Variants in CFAP100 observed in about 807,000 individuals in gnomAD.
CFAP100 encodes the protein cilia- and flagella-associated protein 100.
A neutral mutation model predicts 81.5 loss-of-function variants in CFAP100; 70 were observed. The ratio of observed to expected loss-of-function variants is 0.86; its 90% CI spans 0.71 to 1.05. CFAP100 has a LOEUF of 1.05. CFAP100 is among the 50% of genes least tolerant of loss of function. The pLI is 0.00. For synonymous variants in CFAP100, 341 were observed against 314.8 expected (o/e 1.08, Z -0.88); for missense variants, 811 against 776.5 (o/e 1.04, Z -0.53).
chr3:126,416,474 C>T lies in CFAP100; in HGVS notation c.384C>T (p.Arg128=), dbSNP rs749059919. 5.6e-6 allele frequency: 9 copies of T among 1,604,236 alleles called. No homozygotes were observed. Among genetic ancestry groups the T allele is most frequent in the Admixed American group, 1.7e-5 (1 of 58,912 alleles). The change falls in exon 5 of 17, where the codon CGC becomes CGT. Residue 128 remains arginine (R), a synonymous_variant. Transcript: ENST00000352312. The part of the protein sequence containing the change: ...RAEAEHQRAF[R]DYTTWKLTLT... ...AGGCCGAGCATCAGCGCGCCTTCCG[C>T]GACTACACGACCTGGAAGCTCACCT...
At chr3:126,423,739 C>T in intron 13 of CFAP100, 95 bp downstream of exon 13, 1 of 1,451,402 alleles carries the variant, frequency 6.9e-7, no homozygotes, top group Non-Finnish European at 9.6e-7. Flanking sequence ...CAGCCCACAC[C>T]CGTCCGTGGC....
chr3:126,418,923 C>T lies in CFAP100; in HGVS notation c.650+149C>T, dbSNP rs535132679. ...CCGGTCGGGAGCCAAGGGCAGGGGA[C>T]ACTACGGGCAAAAGGCTTAACTGTG... On this transcript the variant is annotated intron_variant, in intron 7 of 16. Transcript: ENST00000352312. The T allele has an allele frequency of 4.5e-5, 49 of 1,078,700 alleles. No individual in the cohort carries two copies. In the African/African-American group the frequency reaches 5.5e-4, roughly 12 times the overall value. 66.8% of individuals were successfully genotyped at this position (1,078,700 alleles called of 1,614,324 possible).
chr3:126,436,200 G>A, intron 16 of CFAP100, 91 bp from the exon 17 acceptor site: 2 of 935,954 alleles, frequency 2.1e-6, no homozygotes, highest in Non-Finnish European at 3.4e-6. Flanking sequence ...GGTGACTGGA[G>A]CTGCTGGGCC....
intron 13 of CFAP100, among the ~76,000 whole-genome samples, chr3:126,426,579 G>A (rs764631992): frequency 2.6e-5 from 4 of 151,894 alleles, no homozygotes; most frequent in South Asian, 2.1e-4. Context: ...GTAAAACCCC[G>A]TCTCTACTAA....
intron 13 of CFAP100, among the ~76,000 whole-genome samples, chr3:126,425,343 A>C (rs910823529): frequency 1.3e-5 from 2 of 152,228 alleles, no homozygotes; most frequent in Non-Finnish European, 2.9e-5. Flanking sequence ...AAAAATCAAA[A>C]TATAGTCTTA....
rs117774023 is a variant in CFAP100, at chr3:126,435,554, C to A, written c.1629-5C>A. ...CAGTTTTCAATGTCATTTCTTGCCA[C>A]CCAGACTTCGAGAAGAGAAGCTCCA... On this transcript the variant is annotated splice_polypyrimidine_tract_variant and splice_region_variant and intron_variant, in intron 15 of 16. Transcript: ENST00000352312. The A allele has an allele frequency of 0.013, 21,728 of 1,609,688 alleles. 1,013 individuals are homozygous for A. The highest frequency in any genetic ancestry group is 0.12 in the South Asian group (11,103 of 90,666).
Position 126,412,941 on chromosome 3 carries a change from T to A in CFAP100, c.131-1144T>A, listed in dbSNP as rs150327534. 3.9e-5 allele frequency among the ~76,000 whole-genome samples: 6 copies of A among 152,352 alleles called. No homozygotes were observed. In the East Asian group the frequency reaches 1.2e-3, roughly 29 times the overall value. ...AGTCCCCAGTCTGGCCCATGGCAAGTGCTGGATGCTTGCTAGCTATCCATT... is the reference window on the plus strand; with the variant it reads ...AGTCCCCAGTCTGGCCCATGGCAAGAGCTGGATGCTTGCTAGCTATCCATT... On this transcript the variant is annotated intron_variant, in intron 3 of 16. Transcript: ENST00000352312.
At chr3:126,407,284 G>C in intron 3 of CFAP100, 32 bp downstream of exon 3, 2 of 1,530,456 alleles carry the variant, frequency 1.3e-6, no homozygotes, top group Non-Finnish European at 9.0e-7. Flanking sequence ...TAAAGTCCAA[G>C]TTGGCAGGAG....
chr3:126,400,620 C>T (rs540613391), intron 2 of CFAP100, among the ~76,000 whole-genome samples: 9 of 152,184 alleles, frequency 5.9e-5, no homozygotes, highest in East Asian at 3.9e-4. Flanking sequence ...GGCATGGTGG[C>T]GGGCACCTGT....
At chr3:126,420,273 G>C in intron 11 of CFAP100, 44 bp downstream of exon 11, 1 of 1,606,090 alleles carries the variant, frequency 6.2e-7, no homozygotes, top group South Asian at 1.1e-5. Context: ...GCCTAGCGGC[G>C]AGCCCTCCCT....
intron 4 of CFAP100, 22 bp from the exon 5 acceptor site, chr3:126,416,294 C>G: frequency 6.4e-7 from 1 of 1,565,566 alleles, no homozygotes; most frequent in Non-Finnish European, 8.7e-7. Context: ...GGGCCCCGCC[C>G]GACTTGGCCC....
Position 126,435,599 on chromosome 3 carries a change from G to C in CFAP100, c.1669G>C (p.Glu557Gln), listed in dbSNP as rs1490765014. ...GCTCCAGATGCAAAAGATCCTACAG[G>C]AGGAGCATCTGCAGCGGGCCCGGGC... Reference protein sequence around the residue: ...EKLQMQKILQEEHLQRARARA... With the variant: ...EKLQMQKILQQEHLQRARARA... The change falls in exon 16 of 17, where the codon GAG (glutamate) becomes CAG (glutamine). Residue 557 changes from glutamate (E) to glutamine (Q), a missense_variant. Glu to Gln is a conservative substitution (Grantham distance 29). Coordinates refer to ENST00000352312, the MANE Select transcript of CFAP100 (RefSeq NM_182628.3). 6.2e-7 allele frequency: 1 copy of C among 1,612,700 alleles called. No individual in the cohort carries two copies. The highest frequency in any genetic ancestry group is 1.7e-5 in the Admixed American group (1 of 59,954).
At chr3:126,435,511 A>C (rs1001385722) in intron 15 of CFAP100, 48 bp from the exon 16 acceptor site, 9 of 1,540,352 alleles carry the variant, frequency 5.8e-6, no homozygotes, top group Admixed American at 3.5e-5. Flanking sequence ...AGATTACACA[A>C]CACCTTCCAG....
intron 5 of CFAP100, chr3:126,418,166 C>T (rs2083271766): frequency 2.5e-6 from 1 of 398,794 alleles, no homozygotes; most frequent in African/African-American, 2.0e-5. Context: ...GGTGGGGTGT[C>T]CAGAGCCTTA....
chr3:126,419,297 C>T, intron 8 of CFAP100, 141 bp downstream of exon 8: 1 of 629,336 alleles, frequency 1.6e-6, no homozygotes, highest in Non-Finnish European at 2.8e-6. Flanking sequence ...GGCTGTTGCC[C>T]ATTTATAGAC....
At position 126,423,655 on chromosome 3, in the gene CFAP100, T is replaced by C; in HGVS notation, c.1286+11T>C. On this transcript the variant is annotated intron_variant, in intron 13 of 16. Coordinates refer to ENST00000352312, the MANE Select transcript of CFAP100 (RefSeq NM_182628.3). ...CACCCAGATCCGCATGTAGGTGCTATGCGGTGGCCAGTGGGGGCTCCCTGC... is the reference window on the plus strand; with the variant it reads ...CACCCAGATCCGCATGTAGGTGCTACGCGGTGGCCAGTGGGGGCTCCCTGC... The C allele has an allele frequency of 6.2e-7, 1 of 1,613,958 alleles. No individual in the cohort carries two copies. The highest frequency in any genetic ancestry group is 8.5e-7 in the Non-Finnish European group (1 of 1,179,850).
rs555967959 is a variant in CFAP100 at position 126,412,838 on chromosome 3, C to G, written c.131-1247C>G. On this transcript the variant is annotated intron_variant, in intron 3 of 16. Transcript: ENST00000352312. Reference sequence around the variant, plus strand: ...TGGCAGAGTATCTGACTGCTCTGAGCCTCAGTTCCTCACAGGTAAAATGGG... The same window carrying G: ...TGGCAGAGTATCTGACTGCTCTGAGGCTCAGTTCCTCACAGGTAAAATGGG... Among the ~76,000 whole-genome samples, 165 of 152,342 alleles carry G rather than the reference C, an allele frequency of 1.1e-3. 2 individuals carry two copies. The highest frequency in any genetic ancestry group is 4.6e-4 in the Non-Finnish European group (31 of 68,042).
At position 126,423,657 on chromosome 3, in the gene CFAP100, C is replaced by T. The variant is rs767607807; in HGVS notation, c.1286+13C>T. Reference sequence around the variant, plus strand: ...CCCAGATCCGCATGTAGGTGCTATGCGGTGGCCAGTGGGGGCTCCCTGCCG... The same window carrying T: ...CCCAGATCCGCATGTAGGTGCTATGTGGTGGCCAGTGGGGGCTCCCTGCCG... On this transcript the variant is annotated intron_variant, in intron 13 of 16. Coordinates refer to ENST00000352312, the MANE Select transcript of CFAP100 (RefSeq NM_182628.3). 81 of 1,613,714 alleles carry T rather than the reference C, an allele frequency of 5.0e-5. No homozygotes were observed. The highest frequency in any genetic ancestry group is 1.2e-4 in the Admixed American group (7 of 59,998).
intron 9 of CFAP100, 49 bp downstream of exon 9, chr3:126,419,867 C>T: frequency 6.2e-7 from 1 of 1,609,908 alleles, no homozygotes; most frequent in East Asian, 2.2e-5. Context: ...GCCAGTGGCC[C>T]ACTGCGACCC....
Sources: allele counts gnomAD v4.1 joint callset (sites outside exome capture counted in the v4.1 genomes callset), GRCh38; gene constraint gnomAD v4.1.1; transcripts MANE v1.5; gene names NCBI Gene and HGNC (gene_info 2026-07-23, HGNC 2026-07-21).